FOXJ3: variants seen among roughly 807,000 people sequenced by gnomAD.
FOXJ3 encodes the protein forkhead box J3, also known as forkhead box protein J3.
A neutral mutation model predicts 76.1 loss-of-function variants in FOXJ3; 22 were observed. That is an observed-to-expected ratio of 0.29 (90% CI 0.21 to 0.41). FOXJ3 has a LOEUF of 0.41. Among genes scored for constraint, FOXJ3 ranks in the 10% least tolerant of loss-of-function variants. The probability of loss-of-function intolerance (pLI) is 1.00; values close to 1 mark genes in which losing one functional copy is unlikely to be tolerated. For missense variants in FOXJ3, 613 were observed against 762.1 expected (o/e 0.80, Z 2.30); for synonymous variants, 269 against 261.2 (o/e 1.03, Z -0.29).
intron 4 of FOXJ3, among the ~76,000 whole-genome samples, chr1:42,250,579 G>A (rs1649945001): frequency 6.6e-6 from 1 of 152,104 alleles, no homozygotes; most frequent in South Asian, 2.1e-4. Context: ...GCACGTGGGA[G>A]GCTGAGGTGG....
chr1:42,333,329 G>A (rs1316040162), intron 1 of FOXJ3, among the ~76,000 whole-genome samples: 1 of 151,996 alleles, frequency 6.6e-6, no homozygotes, highest in Non-Finnish European at 1.5e-5. Context: ...TCTAGTAAGT[G>A]ACTTTGAAAC....
At chr1:42,183,293 G>GGGGGC (rs1242055572) in intron 11 of FOXJ3, among the ~76,000 whole-genome samples, 21 of 110,774 alleles carry the variant, frequency 1.9e-4, no homozygotes, top group African/African-American at 7.9e-4. Flanking sequence ...GTGGAGCGGA[G>GGGGGC]GGGGCGGGGC....
chr1:42,184,548 G>A (rs1392938124), intron 11 of FOXJ3, among the ~76,000 whole-genome samples: 3 of 151,978 alleles, frequency 2.0e-5, no homozygotes, highest in Non-Finnish European at 4.4e-5. Context: ...AACTTCCAAT[G>A]CAGTTTCCAA....
chr1:42,197,701 AAC>A (rs1345000609), intron 7 of FOXJ3, among the ~76,000 whole-genome samples: 3 of 152,038 alleles, frequency 2.0e-5, no homozygotes, highest in East Asian at 3.9e-4. Flanking sequence ...AGAAAGAAAT[AAC>A]AGTCTCGCTC....
chr1:42,249,095 C>G lies in FOXJ3; in HGVS notation c.444+16020G>C, dbSNP rs993903656. Reference sequence around the variant, plus strand: ...AAGGATGTGATCTCATTCCATTTTACGGCTGCATAGTATTCCATGGTGTAT... The same window carrying G: ...AAGGATGTGATCTCATTCCATTTTAGGGCTGCATAGTATTCCATGGTGTAT... On this transcript the variant is annotated intron_variant, in intron 4 of 12. Coordinates refer to ENST00000361346, the MANE Select transcript of FOXJ3 (RefSeq NM_014947.5). 2.6e-5 allele frequency among the ~76,000 whole-genome samples: 4 copies of G among 152,070 alleles called. No homozygotes were observed. The South Asian group carries it at 8.3e-4, about 32-fold the overall frequency.
intron 2 of FOXJ3, among the ~76,000 whole-genome samples, chr1:42,300,289 G>A (rs913342121): frequency 3.3e-5 from 5 of 152,146 alleles, no homozygotes; most frequent in Non-Finnish European, 7.4e-5. Flanking sequence ...CTATATAACT[G>A]CTTTATAGAC....
intron 2 of FOXJ3, among the ~76,000 whole-genome samples, chr1:42,287,167 G>A (rs12749093): frequency 4.0e-5 from 6 of 151,184 alleles, no homozygotes; most frequent in Non-Finnish European, 7.4e-5. Flanking sequence ...GGTGAAACCC[G>A]ATCTCTACTA....
At chr1:42,197,728 G>A (rs1646680212) in intron 7 of FOXJ3, among the ~76,000 whole-genome samples, 1 of 151,542 alleles carries the variant, frequency 6.6e-6, no homozygotes, top group African/African-American at 2.4e-5. Context: ...GCCCAGGCTG[G>A]AGTGGAGTGA....
intron 5 of FOXJ3, among the ~76,000 whole-genome samples, chr1:42,219,858 G>A (rs1320802415): frequency 6.6e-6 from 1 of 152,196 alleles, no homozygotes; most frequent in African/African-American, 2.4e-5. Context: ...GGTCGAGACT[G>A]CAGTGAGCCA....
At position 42,179,450 on chromosome 1, in the gene FOXJ3, T is replaced by G; in HGVS notation, c.*260A>C. 4.1e-6 allele frequency: 1 copy of G among 242,060 alleles called. No individual in the cohort carries two copies. The highest frequency in any genetic ancestry group is 8.0e-6 in the Non-Finnish European group (1 of 125,522). The allele number at this position is 242,060 out of a possible 1,614,324, so 15.0% of individuals were successfully genotyped here. On this transcript the variant is annotated 3_prime_UTR_variant, in exon 13 of 13. Coordinates refer to ENST00000361346, the MANE Select transcript of FOXJ3 (RefSeq NM_014947.5). ...GGTTAACATCAAACTGACACAAATA[T>G]GCAAAAAGCCGTCCAAATCACACAA...
intron 5 of FOXJ3, among the ~76,000 whole-genome samples, chr1:42,207,111 A>G (rs542921138): frequency 6.6e-6 from 1 of 152,230 alleles, no homozygotes; most frequent in Non-Finnish European, 1.5e-5. Context: ...ACAGGTGTTG[A>G]GTCATCATGC....
chr1:42,278,720 C>T, intron 2 of FOXJ3, 48 bp from the exon 3 acceptor site: 1 of 1,327,160 alleles, frequency 7.5e-7, no homozygotes, highest in African/African-American at 1.5e-5. Flanking sequence ...AGAACCCCTG[C>T]TTCTCAAAAT....
chr1:42,264,837 C>A (rs1326048863), intron 4 of FOXJ3: 2 of 346,818 alleles, frequency 5.8e-6, no homozygotes, highest in South Asian at 3.9e-5. Flanking sequence ...AATTATGGTT[C>A]CTGACAAGCA....
At chr1:42,322,251 C>G (rs1570253887) in intron 1 of FOXJ3, among the ~76,000 whole-genome samples, 1 of 151,894 alleles carries the variant, frequency 6.6e-6, no homozygotes, top group African/African-American at 2.4e-5. Flanking sequence ...CTTGAGTCAA[C>G]TAAAAACCAA....
chr1:42,188,720 G>A lies in FOXJ3; in HGVS notation c.1645+17C>T. The stretch of plus-strand genomic sequence containing the variant: ...ATGAGAAAATGAGAAAAATCAAGAA[G>A]ATAACTAACCCCATACCTGTTCCAA... On this transcript the variant is annotated intron_variant, in intron 11 of 12. Transcript: ENST00000361346. 1.4e-6 allele frequency: 2 copies of A among 1,438,256 alleles called. No homozygotes were observed. Among genetic ancestry groups the A allele is most frequent in the Non-Finnish European group, 1.8e-6 (2 of 1,081,132 alleles). 89.1% of individuals were successfully genotyped at this position (1,438,256 alleles called of 1,614,324 possible).
intron 6 of FOXJ3, among the ~76,000 whole-genome samples, chr1:42,205,449 C>G (rs1646842825): frequency 6.6e-6 from 1 of 152,082 alleles, no homozygotes; most frequent in African/African-American, 2.4e-5. Context: ...AGGTAATTAA[C>G]AATTCTGAAA....
At chr1:42,235,771 T>A (rs917614975) in intron 4 of FOXJ3, among the ~76,000 whole-genome samples, 2 of 152,078 alleles carry the variant, frequency 1.3e-5, no homozygotes, top group African/African-American at 2.4e-5. Flanking sequence ...CCATGTTGGC[T>A]AGGCTGATTT....
Position 42,302,736 on chromosome 1 carries a change from A to AT in FOXJ3, c.44+8313dup, listed in dbSNP as rs1434013251. On this transcript the variant is annotated intron_variant, in intron 2 of 12. Coordinates refer to ENST00000361346, the MANE Select transcript of FOXJ3 (RefSeq NM_014947.5). ...TAAGCTTATTATATCAAATCATTTA[A>AT]TTTTTTTATTTTTCAGTAGTATTAT... Among the ~76,000 whole-genome samples the AT allele has an allele frequency of 3.9e-5, 6 of 152,134 alleles. No homozygotes were observed. In the East Asian group the frequency reaches 1.2e-3, roughly 29 times the overall value.
chr1:42,190,335 T>C (rs550591468), intron 9 of FOXJ3, among the ~76,000 whole-genome samples: 1 of 152,360 alleles, frequency 6.6e-6, no homozygotes, highest in South Asian at 2.1e-4. Flanking sequence ...CTCTTGGCTA[T>C]ATCAACTACT....
Sources: gnomAD v4.1 joint callset for allele counts (sites outside exome capture counted in the v4.1 genomes callset) on GRCh38, gnomAD v4.1.1 for gene constraint, MANE v1.5 for transcripts, NCBI Gene and HGNC (gene_info 2026-07-23, HGNC 2026-07-21) for gene names.